LIN7A: variants seen among roughly 807,000 people sequenced by gnomAD.
The protein encoded by LIN7A is lin-7 cell polarity scaffold A.
A neutral mutation model predicts 29.8 loss-of-function variants in LIN7A; 25 were observed. That is an observed-to-expected ratio of 0.84 (90% CI 0.61 to 1.17). The LOEUF is 1.17. LIN7A is among the 50% of genes most tolerant of loss of function. The pLI is 0.00. For missense variants in LIN7A, 239 were observed against 287.0 expected (o/e 0.83, Z 1.21); for synonymous variants, 118 against 107.5 (o/e 1.10, Z -0.60).
intron 1 of LIN7A, among the ~76,000 whole-genome samples, chr12:80,896,351 C>T (rs936982856): frequency 1.3e-5 from 2 of 152,152 alleles, no homozygotes; most frequent in African/African-American, 4.8e-5. Context: ...TGGCTACTGA[C>T]TTATTACTAG....
At chr12:80,865,513 G>A (rs1874092724) in intron 2 of LIN7A, among the ~76,000 whole-genome samples, 1 of 152,122 alleles carries the variant, frequency 6.6e-6, no homozygotes, top group African/African-American at 2.4e-5. Flanking sequence ...AAATCAAGGA[G>A]GTCTTCCTTG....
chr12:80,882,053 A>G (rs1178773), intron 2 of LIN7A, among the ~76,000 whole-genome samples: 103,005 of 151,678 alleles, frequency 0.68, 38,985 homozygotes, highest in Non-Finnish European at 0.87. Context: ...TTTTTCTACA[A>G]CCACTACAAT....
intron 1 of LIN7A, among the ~76,000 whole-genome samples, chr12:80,909,240 C>A (rs1876634481): frequency 6.6e-6 from 1 of 152,090 alleles, no homozygotes; most frequent in Non-Finnish European, 1.5e-5. Flanking sequence ...CCAGTGAGTT[C>A]CCCTGGTATA....
intron 2 of LIN7A, among the ~76,000 whole-genome samples, chr12:80,856,650 T>C (rs1222062282): frequency 6.6e-6 from 1 of 152,218 alleles, no homozygotes; most frequent in African/African-American, 2.4e-5. Context: ...CAGTGTAAAG[T>C]GCCTTTGGCT....
In LIN7A at chr12:80,937,871, A is replaced by T; in HGVS notation, c.-149T>A. ...TGGGTTGGTAGCCAGATGGAGACGC[A>T]ACTGTTCCGCGGCGGCAGATCTTCA... On this transcript the variant is annotated 5_prime_UTR_variant, in exon 1 of 6. Transcript: ENST00000552864. 1 of 530,530 alleles carries T rather than the reference A, an allele frequency of 1.9e-6. No homozygotes were observed. The highest frequency in any genetic ancestry group is 3.4e-5 in the East Asian group (1 of 29,032). The allele number at this position is 530,530 out of a possible 1,614,324, so 32.9% of individuals were successfully genotyped here.
intron 4 of LIN7A, among the ~76,000 whole-genome samples, chr12:80,825,584 A>G (rs1230813457): frequency 6.6e-6 from 1 of 152,194 alleles, no homozygotes; most frequent in Non-Finnish European, 1.5e-5. Flanking sequence ...GGGTTCTATA[A>G]AAGATTTGCA....
chr12:80,815,900 G>A (rs555665168), intron 4 of LIN7A, among the ~76,000 whole-genome samples: 2 of 152,216 alleles, frequency 1.3e-5, no homozygotes, highest in South Asian at 4.1e-4. Context: ...AGGGTATATA[G>A]TAGGTACCCA....
intron 1 of LIN7A, among the ~76,000 whole-genome samples, chr12:80,905,569 G>T (rs1876436466): frequency 6.6e-6 from 1 of 151,946 alleles, no homozygotes; most frequent in Admixed American, 6.6e-5. Context: ...TTATCTCCTT[G>T]AGCTGGCAAT....
At chr12:80,846,802 C>T (rs1429222014) in intron 3 of LIN7A, among the ~76,000 whole-genome samples, 1 of 152,118 alleles carries the variant, frequency 6.6e-6, no homozygotes, top group Non-Finnish European at 1.5e-5. Context: ...ACCATTAGTT[C>T]CCACTAACCC....
intron 2 of LIN7A, among the ~76,000 whole-genome samples, chr12:80,852,960 G>T (rs1873404484): frequency 6.6e-6 from 1 of 152,040 alleles, no homozygotes; most frequent in South Asian, 2.1e-4. Context: ...TTCTTGTCTT[G>T]TGTGTGGATA....
intron 1 of LIN7A, among the ~76,000 whole-genome samples, chr12:80,907,579 T>C (rs968176381): frequency 6.6e-6 from 1 of 152,190 alleles, no homozygotes; most frequent in African/African-American, 2.4e-5. Context: ...GTTTATCTTT[T>C]CTGGCTCTAA....
chr12:80,890,996 C>T (rs1592928537), intron 1 of LIN7A, among the ~76,000 whole-genome samples: 1 of 152,000 alleles, frequency 6.6e-6, no homozygotes. Context: ...TCTTCTTTTC[C>T]TTTGTTCCAT....
chr12:80,909,998 T>C (rs753924829), intron 1 of LIN7A, among the ~76,000 whole-genome samples: 10 of 152,302 alleles, frequency 6.6e-5, no homozygotes, highest in South Asian at 2.1e-4. Context: ...ATCTCTACAA[T>C]ATTCAGTTTT....
At chr12:80,813,300 C>T (rs147729122) in intron 4 of LIN7A, among the ~76,000 whole-genome samples, 5 of 152,204 alleles carry the variant, frequency 3.3e-5, no homozygotes, top group African/African-American at 9.6e-5. Flanking sequence ...CGTAAGCCAC[C>T]GTGCCTGGTC....
At chr12:80,852,697 G>T (rs1342349516) in intron 2 of LIN7A, among the ~76,000 whole-genome samples, 1 of 152,178 alleles carries the variant, frequency 6.6e-6, no homozygotes, top group African/African-American at 2.4e-5. Flanking sequence ...GCTAGATTTT[G>T]GTTGTTCTCT....
intron 1 of LIN7A, among the ~76,000 whole-genome samples, chr12:80,908,370 G>A (rs1358383383): frequency 6.6e-6 from 1 of 151,894 alleles, no homozygotes. Context: ...TAAGTAATAC[G>A]AGTTATAATA....
At chr12:80,837,815 G>T (rs1171949204) in intron 4 of LIN7A, among the ~76,000 whole-genome samples, 1 of 151,708 alleles carries the variant, frequency 6.6e-6, no homozygotes, top group South Asian at 2.1e-4. Context: ...ACATTTATAT[G>T]TATGTATTTA....
intron 2 of LIN7A, among the ~76,000 whole-genome samples, chr12:80,851,083 T>C (rs765693149): frequency 5.3e-5 from 8 of 152,140 alleles, no homozygotes; most frequent in Admixed American, 2.0e-4. Flanking sequence ...TATCAGACTT[T>C]CTTATATTAA....
At chr12:80,889,395 G>A in intron 1 of LIN7A, 26 bp from the exon 2 acceptor site, 1 of 1,349,510 alleles carries the variant, frequency 7.4e-7, no homozygotes, top group Non-Finnish European at 1.1e-6. Context: ...TGAAAATAGA[G>A]AAACCTAGAA....
Sources: gnomAD v4.1 joint callset for allele counts (sites outside exome capture counted in the v4.1 genomes callset) on GRCh38, gnomAD v4.1.1 for gene constraint, MANE v1.5 for transcripts, NCBI Gene and HGNC (gene_info 2026-07-23, HGNC 2026-07-21) for gene names.